DTD1: variants seen among roughly 807,000 people sequenced by gnomAD.
DTD1 encodes D-aminoacyl-tRNA deacylase 1.
Under a neutral mutation model 25.6 loss-of-function variants are expected in DTD1, and 13 were observed. The observed-to-expected ratio is 0.51, with a 90% confidence interval of 0.33 to 0.81. The LOEUF (loss-of-function observed/expected upper bound fraction) is 0.81. DTD1 is among the 30% of genes least tolerant of loss of function. DTD1 has a pLI of 0.02. For synonymous variants in DTD1, 110 were observed against 103.6 expected, an observed-to-expected ratio of 1.06 and a Z score of -0.37; for missense variants, 193 against 266.4, an observed-to-expected ratio of 0.72 and a Z score of 1.92.
intron 4 of DTD1, chr20:18,692,121 G>A (rs2061049936): frequency 6.6e-6 from 1 of 152,160 alleles, no homozygotes; most frequent in Admixed American, 6.5e-5. Context: ...CCAATGATGT[G>A]AGAGCCACAC....
At chr20:18,725,634 T>C (rs1012207023) in intron 4 of DTD1, among the ~76,000 whole-genome samples, 6 of 152,306 alleles carry the variant, frequency 3.9e-5, no homozygotes, top group Non-Finnish European at 7.3e-5. Context: ...TAAGATGCTG[T>C]AATAGCCTCA....
At chr20:18,708,147 A>C in intron 4 of DTD1, among the ~76,000 whole-genome samples, 1 of 98,490 alleles carries the variant, frequency 1.0e-5, no homozygotes, top group Non-Finnish European at 2.2e-5. Flanking sequence ...TAAAATAGCT[A>C]ATTATTAACA....
chr20:18,736,548 A>G (rs1022348612), intron 4 of DTD1, among the ~76,000 whole-genome samples: 1 of 152,238 alleles, frequency 6.6e-6, no homozygotes, highest in Non-Finnish European at 1.5e-5. Context: ...GCAAATCGCA[A>G]TTCCCTGTTG....
At chr20:18,629,975 G>A (rs1216564220) in intron 4 of DTD1, among the ~76,000 whole-genome samples, 2 of 152,022 alleles carry the variant, frequency 1.3e-5, no homozygotes, top group African/African-American at 4.8e-5. Flanking sequence ...CTCCAATGCT[G>A]GGGATTCCAA....
chr20:18,608,463 T>G (rs944264607), intron 3 of DTD1, among the ~76,000 whole-genome samples: 3 of 152,212 alleles, frequency 2.0e-5, no homozygotes, highest in African/African-American at 7.2e-5. Flanking sequence ...GCTCTAATTT[T>G]TGTTATTGCT....
At chr20:18,671,689 A>T (rs545214800) in intron 4 of DTD1, among the ~76,000 whole-genome samples, 1 of 152,196 alleles carries the variant, frequency 6.6e-6, no homozygotes, top group Non-Finnish European at 1.5e-5. Flanking sequence ...TTAATTTCTG[A>T]TGACTTCCAG....
intron 3 of DTD1, among the ~76,000 whole-genome samples, chr20:18,606,866 A>G (rs546814994): frequency 3.0e-4 from 45 of 150,808 alleles, no homozygotes; most frequent in African/African-American, 1.0e-3. Flanking sequence ...AGCATGGCAC[A>G]TGTATACATA....
In DTD1 at chr20:18,747,839, G is replaced by A. The variant is rs1001639061; in HGVS notation, c.*19+3568G>A. ...CATCTGGCCAATATGGTGAAACTCC[G>A]TCTCTATAAAAAATACAAAAAAAAA... On this transcript the variant is annotated intron_variant, in intron 5 of 5. Coordinates refer to ENST00000377452, the MANE Select transcript of DTD1 (RefSeq NM_080820.6). Among the ~76,000 whole-genome samples, 12 of 134,574 alleles carry A rather than the reference G, an allele frequency of 8.9e-5. No individual in the cohort carries two copies. The East Asian group carries it at 2.0e-3, about 22-fold the overall frequency. The allele number at this position is 134,574 out of a possible 152,430, so 88.3% of individuals were successfully genotyped here. A position where few individuals can be genotyped will look rare whatever the true frequency, so the allele number is the denominator to read the frequency against.
chr20:18,607,265 G>A (rs1161287882), intron 3 of DTD1, among the ~76,000 whole-genome samples: 1 of 152,064 alleles, frequency 6.6e-6, no homozygotes, highest in Non-Finnish European at 1.5e-5. Flanking sequence ...GGGTTCAAAC[G>A]ATTCTCATAC....
At chr20:18,617,318 TTATA>T (rs988331317) in intron 3 of DTD1, among the ~76,000 whole-genome samples, 6 of 148,444 alleles carry the variant, frequency 4.0e-5, no homozygotes, top group African/African-American at 1.5e-4. Flanking sequence ...CAGAAAAAAA[TTATA>T]TATAATATAT....
chr20:18,726,691 CCTG>C (rs1021121341), intron 4 of DTD1, among the ~76,000 whole-genome samples: 17 of 152,160 alleles, frequency 1.1e-4, no homozygotes, highest in Non-Finnish European at 2.2e-4. Context: ...CAGACTTAGT[CCTG>C]GGGGTTTTGA....
chr20:18,630,211 G>C (rs778800649), intron 4 of DTD1, among the ~76,000 whole-genome samples: 42 of 151,966 alleles, frequency 2.8e-4, no homozygotes, highest in Non-Finnish European at 5.7e-4. Context: ...TGAAAAAACA[G>C]AGTTTCCATA....
intron 4 of DTD1, among the ~76,000 whole-genome samples, chr20:18,640,378 A>G (rs1233139353): frequency 6.6e-6 from 1 of 152,144 alleles, no homozygotes; most frequent in Non-Finnish European, 1.5e-5. Context: ...AAGATACACT[A>G]AAAATATTTT....
At chr20:18,672,104 C>T (rs2060953071) in intron 4 of DTD1, among the ~76,000 whole-genome samples, 1 of 152,100 alleles carries the variant, frequency 6.6e-6, no homozygotes, top group South Asian at 2.1e-4. Context: ...TATGGTGGTG[C>T]ATGCCTGTGG....
In DTD1 at chr20:18,647,127, C is replaced by T. The variant is rs931419588; in HGVS notation, c.477+18894C>T. Among the ~76,000 whole-genome samples, 9 of 152,252 alleles carry T rather than the reference C, an allele frequency of 5.9e-5. 1 individual carries two copies. In the South Asian group the frequency reaches 1.0e-3, roughly 18 times the overall value. On this transcript the variant is annotated intron_variant, in intron 4 of 5. Transcript: ENST00000377452. The stretch of plus-strand genomic sequence containing the variant: ...AATGCAAATAACTTAATTTTCATCG[C>T]GAATATCTATTTTCCAAAATGTATT...
intron 4 of DTD1, among the ~76,000 whole-genome samples, chr20:18,709,962 A>G (rs994126161): frequency 6.6e-6 from 1 of 152,164 alleles, no homozygotes; most frequent in Admixed American, 6.5e-5. Context: ...TGATTTTAGA[A>G]TGTATTAGGG....
At chr20:18,640,540 C>T (rs2122335321) in intron 4 of DTD1, among the ~76,000 whole-genome samples, 1 of 151,790 alleles carries the variant, frequency 6.6e-6, no homozygotes, top group Admixed American at 6.6e-5. Context: ...TTTAATTATA[C>T]ATAACCTAAA....
intron 4 of DTD1, among the ~76,000 whole-genome samples, chr20:18,703,874 A>T (rs915322317): frequency 2.0e-5 from 3 of 151,452 alleles, no homozygotes; most frequent in African/African-American, 7.3e-5. Flanking sequence ...AGTTCTGTTT[A>T]TTCTACTCAG....
At chr20:18,718,495 G>A (rs1401600933) in intron 4 of DTD1, among the ~76,000 whole-genome samples, 1 of 152,154 alleles carries the variant, frequency 6.6e-6, no homozygotes, top group Admixed American at 6.5e-5. Context: ...TTAGAACTGT[G>A]GAGCAAAGAG....
Sources: gnomAD v4.1 joint callset for allele counts (sites outside exome capture counted in the v4.1 genomes callset) on GRCh38, gnomAD v4.1.1 for gene constraint, MANE v1.5 for transcripts, NCBI Gene and HGNC (gene_info 2026-07-23, HGNC 2026-07-21) for gene names.